AKR1C8: variants seen among roughly 807,000 people sequenced by gnomAD.
The protein encoded by AKR1C8 is aldo-keto reductase family 1 member C8.
At chr10:5,168,168 C>G in the AKR1C8 span, among the ~76,000 whole-genome samples, 1 of 152,076 alleles carries the variant, frequency 6.6e-6, no homozygotes, top group Non-Finnish European at 1.5e-5. Flanking sequence ...AGGAAACGGT[C>G]TGAGGTTTCC....
At chr10:5,144,096 A>G in the AKR1C8 span, among the ~76,000 whole-genome samples, 1 of 152,174 alleles carries the variant, frequency 6.6e-6, no homozygotes, top group South Asian at 2.1e-4. Flanking sequence ...ACATATGGCT[A>G]GCCAGTTTTC....
chr10:5,165,737 T>C, the AKR1C8 span, among the ~76,000 whole-genome samples: 3 of 152,234 alleles, frequency 2.0e-5, no homozygotes, highest in South Asian at 6.2e-4. Flanking sequence ...ACCAGGGCCA[T>C]AGCTTGAAAA....
At chr10:5,175,605 G>T in the AKR1C8 span, among the ~76,000 whole-genome samples, 2 of 152,186 alleles carry the variant, frequency 1.3e-5, no homozygotes. Flanking sequence ...GTGTAAAAGT[G>T]TTACTATTTC....
the AKR1C8 span, among the ~76,000 whole-genome samples, chr10:5,125,454 A>G: frequency 6.6e-6 from 1 of 152,130 alleles, no homozygotes; most frequent in Non-Finnish European, 1.5e-5. Flanking sequence ...CACCTGAGAA[A>G]CCAGAATACC....
the AKR1C8 span, among the ~76,000 whole-genome samples, chr10:5,129,519 C>T: frequency 6.6e-6 from 1 of 151,804 alleles, no homozygotes; most frequent in East Asian, 1.9e-4. Flanking sequence ...CTTGATAGAC[C>T]ATTAGTGAGA....
the AKR1C8 span, among the ~76,000 whole-genome samples, chr10:5,177,548 G>T: frequency 6.6e-6 from 1 of 152,182 alleles, no homozygotes; most frequent in African/African-American, 2.4e-5. Context: ...AGTTTCAGAA[G>T]GAATGGTACC....
At chr10:5,130,868 A>G in the AKR1C8 span, among the ~76,000 whole-genome samples, 5 of 152,082 alleles carry the variant, frequency 3.3e-5, no homozygotes, top group South Asian at 8.3e-4. Flanking sequence ...TGGAACCACA[A>G]AAGAGCCACA....
At chr10:5,124,383 T>C in the AKR1C8 span, among the ~76,000 whole-genome samples, 1 of 152,170 alleles carries the variant, frequency 6.6e-6, no homozygotes, top group Admixed American at 6.6e-5. Flanking sequence ...CAGTAATTTC[T>C]TTCTAGGATA....
At chr10:5,154,284 C>T in the AKR1C8 span, 129,081 of 443,368 alleles carry the variant, frequency 0.29, 21,270 homozygotes, top group Non-Finnish European at 0.36. Flanking sequence ...AATTTACCAC[C>T]ACGTCCCTAC....
At chr10:5,122,038 T>C in the AKR1C8 span, 1 of 258,640 alleles carries the variant, frequency 3.9e-6, no homozygotes, top group East Asian at 1.5e-4. Context: ...CCTCTGTTTT[T>C]GTGCATCCTG....
the AKR1C8 span, among the ~76,000 whole-genome samples, chr10:5,151,999 G>T: frequency 6.6e-6 from 1 of 152,114 alleles, no homozygotes; most frequent in Non-Finnish European, 1.5e-5. Context: ...ACTCATGCAG[G>T]CTGGGCTGGG....
At chr10:5,145,808 G>C in the AKR1C8 span, among the ~76,000 whole-genome samples, 19,442 of 152,060 alleles carry the variant, frequency 0.13, 1,509 homozygotes, top group Admixed American at 0.17. Flanking sequence ...CAGGGATCTA[G>C]AACTAGAAAT....
chr10:5,137,816 G>A, the AKR1C8 span, among the ~76,000 whole-genome samples: 11 of 152,178 alleles, frequency 7.2e-5, no homozygotes, highest in South Asian at 2.1e-4. Context: ...CAGTAGGACC[G>A]TGATGCCTGC....
chr10:5,146,493 CGAGA>C, the AKR1C8 span, among the ~76,000 whole-genome samples: 1 of 151,924 alleles, frequency 6.6e-6, no homozygotes, highest in African/African-American at 2.4e-5. Context: ...CTAGATATCC[CGAGA>C]GAGAAGCTTA....
the AKR1C8 span, among the ~76,000 whole-genome samples, chr10:5,174,396 A>C: frequency 6.6e-6 from 1 of 152,046 alleles, no homozygotes; most frequent in Non-Finnish European, 1.5e-5. Context: ...TACAAAATAA[A>C]ATGTCTTAAA....
the AKR1C8 span, chr10:5,154,404 T>C: frequency 4.4e-6 from 1 of 227,560 alleles, no homozygotes; most frequent in African/African-American, 2.3e-5. Context: ...ATAAAGATAC[T>C]TGTTAGTAAT....
chr10:5,160,969 A>C, the AKR1C8 span: 9 of 451,094 alleles, frequency 2.0e-5, no homozygotes, highest in Admixed American at 1.3e-4. Flanking sequence ...TCGGCCAAAC[A>C]ACCTTCAAGA....
the AKR1C8 span, among the ~76,000 whole-genome samples, chr10:5,117,168 G>C: frequency 6.6e-6 from 1 of 151,180 alleles, no homozygotes; most frequent in Non-Finnish European, 1.5e-5. Context: ...GTTAAAAGGT[G>C]CTTCCTAAAC....
At chr10:5,132,721 C>T in the AKR1C8 span, 604,299 of 1,550,860 alleles carry the variant, frequency 0.39, 126,198 homozygotes, top group Non-Finnish European at 0.42. Flanking sequence ...TGGAAGAAAC[C>T]AGCTTCTATT....
Sources: allele counts gnomAD v4.1 joint callset (sites outside exome capture counted in the v4.1 genomes callset), GRCh38; gene constraint gnomAD v4.1.1; transcripts MANE v1.5; gene names NCBI Gene and HGNC (gene_info 2026-07-23, HGNC 2026-07-21).